The following LINGO2 variants were observed in gnomAD, a reference collection of about 807,000 sequenced individuals.
LINGO2 encodes leucine rich repeat and Ig domain containing 2.
LINGO2 carries 14 observed loss-of-function variants against 30.6 expected under a neutral mutation model. The ratio of observed to expected loss-of-function variants is 0.46; its 90% CI spans 0.30 to 0.72. The LOEUF is 0.72. Ranked by LOEUF, LINGO2 falls within the 30% of genes least tolerant of loss-of-function variation. The pLI is 0.07. For synonymous variants in LINGO2, 317 were observed against 288.5 expected, an observed-to-expected ratio of 1.10 and a Z score of -1.00; for missense variants, 729 against 751.7, an observed-to-expected ratio of 0.97 and a Z score of 0.35.
chr9:28,751,987 A>G, the LINGO2 span, among the ~76,000 whole-genome samples: 1,381 of 152,182 alleles, frequency 9.1e-3, 40 homozygotes, highest in African/African-American at 0.031. Flanking sequence ...ACCTTCAAAC[A>G]TTTAAATAGA....
At chr9:28,030,247 C>A (rs1280407239) in intron 4 of LINGO2, among the ~76,000 whole-genome samples, 1 of 152,078 alleles carries the variant, frequency 6.6e-6, no homozygotes, top group Non-Finnish European at 1.5e-5. Flanking sequence ...CATGAGAAAA[C>A]ACTTCTTAAG....
At chr9:28,553,110 C>T (rs920216029) in intron 1 of LINGO2, among the ~76,000 whole-genome samples, 22 of 152,024 alleles carry the variant, frequency 1.4e-4, no homozygotes, top group South Asian at 4.1e-4. Flanking sequence ...TCCAAAGGAA[C>T]GCAGCTCCTC....
At position 28,347,921 on chromosome 9, in the gene LINGO2, A is replaced by AT. The variant is rs750823560; in HGVS notation, c.-246+24914_-246+24915insA. Among the ~76,000 whole-genome samples the AT allele has an allele frequency of 1.5e-3, 222 of 152,168 alleles. 2 individuals are homozygous for AT. Among genetic ancestry groups the AT allele is most frequent in the Non-Finnish European group, 1.2e-3 (79 of 68,036 alleles). On this transcript the variant is annotated intron_variant, in intron 3 of 5. Coordinates refer to ENST00000379992, the Ensembl canonical transcript of LINGO2. Reference sequence around the variant, plus strand: ...TACTATGTTGTTACTGCCTCTCTTGAGATAATTAGTATTATCATTTATAGA... The same window carrying AT: ...TACTATGTTGTTACTGCCTCTCTTGATGATAATTAGTATTATCATTTATAGA...
At chr9:28,743,632 C>T in the LINGO2 span, among the ~76,000 whole-genome samples, 22 of 152,162 alleles carry the variant, frequency 1.4e-4, no homozygotes, top group Non-Finnish European at 2.5e-4. Flanking sequence ...TCCTTTCAGG[C>T]TTCCATTATT....
chr9:28,500,656 T>G (rs1407156434), intron 1 of LINGO2, among the ~76,000 whole-genome samples: 1 of 152,068 alleles, frequency 6.6e-6, no homozygotes, highest in Non-Finnish European at 1.5e-5. Flanking sequence ...TACGTCAATG[T>G]TTCAATATTC....
chr9:28,824,886 C>G, the LINGO2 span, among the ~76,000 whole-genome samples: 7 of 152,214 alleles, frequency 4.6e-5, no homozygotes, highest in Non-Finnish European at 8.8e-5. Flanking sequence ...GTAGTATGAC[C>G]TTAAGCAAAA....
At chr9:28,083,565 C>T (rs892581240) in intron 4 of LINGO2, among the ~76,000 whole-genome samples, 1 of 152,072 alleles carries the variant, frequency 6.6e-6, no homozygotes, top group Non-Finnish European at 1.5e-5. Context: ...TCTCAGAATC[C>T]CCTTCTCTTT....
chr9:28,682,766 A>T, the LINGO2 span, among the ~76,000 whole-genome samples: 1 of 152,094 alleles, frequency 6.6e-6, no homozygotes, highest in Admixed American at 6.6e-5. Flanking sequence ...ATGCTTTTAG[A>T]TTATTTTGAA....
rs552138270 is a variant in LINGO2 at position 28,044,474 on chromosome 9, T to C, written c.-86-32069A>G. ...CTCAAAACAGACTTTCCTAAGAACA[T>C]AGACAACCTGAAAGCCAGGTTTCTG... is the stretch of plus-strand genomic sequence containing the variant. On this transcript the variant is annotated intron_variant, in intron 4 of 5. Transcript: ENST00000379992. 1.3e-4 allele frequency among the ~76,000 whole-genome samples: 20 copies of C among 152,274 alleles called. No homozygotes were observed. The South Asian group carries it at 3.3e-3, about 25-fold the overall frequency.
intron 5 of LINGO2, among the ~76,000 whole-genome samples, chr9:28,004,311 T>G (rs1009930229): frequency 6.6e-6 from 1 of 152,194 alleles, no homozygotes. Context: ...TATATTTAAA[T>G]AGACAGTAGC....
chr9:29,068,262 T>G, the LINGO2 span, among the ~76,000 whole-genome samples: 3 of 151,774 alleles, frequency 2.0e-5, no homozygotes, highest in Non-Finnish European at 4.4e-5. Flanking sequence ...TACAGAGATA[T>G]ATCAGTAGGC....
At chr9:29,003,398 A>G in the LINGO2 span, among the ~76,000 whole-genome samples, 1 of 152,012 alleles carries the variant, frequency 6.6e-6, no homozygotes. Context: ...ATTATCCCAC[A>G]GGAACCAGGA....
intron 5 of LINGO2, among the ~76,000 whole-genome samples, chr9:27,985,095 A>G (rs1821062450): frequency 6.6e-6 from 1 of 151,876 alleles, no homozygotes. Context: ...AATACATGGA[A>G]ATGAGACAAC....
the LINGO2 span, among the ~76,000 whole-genome samples, chr9:28,909,534 A>G: frequency 5.3e-5 from 8 of 152,018 alleles, no homozygotes; most frequent in Admixed American, 2.0e-4. Context: ...TGGAATACTT[A>G]AACTTTCATG....
chr9:28,776,173 C>G, the LINGO2 span, among the ~76,000 whole-genome samples: 1 of 152,126 alleles, frequency 6.6e-6, no homozygotes, highest in South Asian at 2.1e-4. Context: ...AGTGAGGAAA[C>G]AGTGAGCTTT....
intron 1 of LINGO2, among the ~76,000 whole-genome samples, chr9:28,488,297 T>A (rs867307879): frequency 7.9e-5 from 12 of 152,140 alleles, no homozygotes; most frequent in South Asian, 2.1e-4. Flanking sequence ...AGAGATGTAA[T>A]GATATCCCAC....
At chr9:29,067,656 G>A in the LINGO2 span, among the ~76,000 whole-genome samples, 9 of 150,928 alleles carry the variant, frequency 6.0e-5, no homozygotes, top group Non-Finnish European at 1.2e-4. Context: ...GAAAACGATA[G>A]GGAAAATGAA....
At chr9:28,675,609 G>A in the LINGO2 span, among the ~76,000 whole-genome samples, 1 of 151,690 alleles carries the variant, frequency 6.6e-6, no homozygotes, top group South Asian at 2.1e-4. Flanking sequence ...GGTGGCTCAC[G>A]CCTGTAATCC....
At chr9:28,704,437 C>T in the LINGO2 span, among the ~76,000 whole-genome samples, 9 of 151,560 alleles carry the variant, frequency 5.9e-5, no homozygotes, top group African/African-American at 1.7e-4. Flanking sequence ...TTCTGTGTTC[C>T]GTGTGCTTCC....
Sources: allele counts gnomAD v4.1 joint callset (sites outside exome capture counted in the v4.1 genomes callset), GRCh38; gene constraint gnomAD v4.1.1; transcripts MANE v1.5; gene names NCBI Gene and HGNC (gene_info 2026-07-23, HGNC 2026-07-21).